Variants in STAG1 observed in about 807,000 individuals in gnomAD.
STAG1 encodes cohesin subunit SA-1.
STAG1 carries 26 observed loss-of-function variants against 170.9 expected under a neutral mutation model. The ratio of observed to expected loss-of-function variants is 0.15; its 90% CI spans 0.11 to 0.21. The LOEUF (loss-of-function observed/expected upper bound fraction) is 0.21, where lower values mean the gene tolerates loss of function less well. STAG1 is among the 10% of genes least tolerant of loss of function. The pLI, the probability that STAG1 is intolerant of heterozygous loss-of-function variation, is 1.00. For missense variants in STAG1, 964 were observed against 1,509.5 expected, an observed-to-expected ratio of 0.64 and a Z score of 5.99; for synonymous variants, 514 against 497.7, an observed-to-expected ratio of 1.03 and a Z score of -0.44.
intron 13 of STAG1, among the ~76,000 whole-genome samples, chr3:136,461,151 C>G (rs1161315423): frequency 1.3e-5 from 2 of 152,138 alleles, no homozygotes. Flanking sequence ...GATAAAAACT[C>G]TCAACAAACT....
intron 21 of STAG1, among the ~76,000 whole-genome samples, chr3:136,403,595 T>C (rs1057031888): frequency 6.6e-6 from 1 of 152,160 alleles, no homozygotes; most frequent in African/African-American, 2.4e-5. Flanking sequence ...TCTGTTAAAT[T>C]ACTAGAAGAG....
At chr3:136,382,802 T>A (rs938211087) in intron 22 of STAG1, among the ~76,000 whole-genome samples, 4 of 152,198 alleles carry the variant, frequency 2.6e-5, no homozygotes, top group African/African-American at 9.6e-5. Context: ...GGATGCAAAC[T>A]AAATATTATT....
intron 1 of STAG1, among the ~76,000 whole-genome samples, chr3:136,735,963 AAAC>A (rs1934311957): frequency 6.6e-6 from 1 of 152,194 alleles, no homozygotes; most frequent in Non-Finnish European, 1.5e-5. Context: ...GGCACATGCC[AAAC>A]ACCACAGGGC....
intron 1 of STAG1, among the ~76,000 whole-genome samples, chr3:136,681,786 T>C (rs1942344832): frequency 6.6e-6 from 1 of 152,026 alleles, no homozygotes; most frequent in South Asian, 2.1e-4. Flanking sequence ...AGTCACATGA[T>C]CATCTCAATG....
chr3:136,506,784 G>A (rs1933791658), intron 7 of STAG1, among the ~76,000 whole-genome samples: 1 of 152,086 alleles, frequency 6.6e-6, no homozygotes, highest in Non-Finnish European at 1.5e-5. Context: ...TATGTAAGTG[G>A]AAATGCCTAG....
chr3:136,567,039 A>C (rs2107759934), intron 5 of STAG1, among the ~76,000 whole-genome samples: 1 of 152,362 alleles, frequency 6.6e-6, no homozygotes, highest in Non-Finnish European at 1.5e-5. Context: ...CAGACAGTTA[A>C]GTTCAACAAA....
chr3:136,533,818 C>A (rs561192219), intron 6 of STAG1, among the ~76,000 whole-genome samples: 1 of 152,232 alleles, frequency 6.6e-6, no homozygotes, highest in East Asian at 1.9e-4. Context: ...AAGCAATATA[C>A]AAATTCAATG....
intron 5 of STAG1, among the ~76,000 whole-genome samples, chr3:136,565,668 A>T (rs113124425): frequency 4.6e-5 from 7 of 152,242 alleles, no homozygotes; most frequent in African/African-American, 1.4e-4. Context: ...TAGCAATTCT[A>T]CTCCTAAGAA....
intron 1 of STAG1, among the ~76,000 whole-genome samples, chr3:136,738,002 AG>A (rs1309999633): frequency 6.6e-6 from 1 of 152,110 alleles, no homozygotes; most frequent in African/African-American, 2.4e-5. Context: ...TAGGAGGTGG[AG>A]GTTGCAGTGA....
At chr3:136,435,052 A>T (rs967946606) in intron 15 of STAG1, among the ~76,000 whole-genome samples, 1 of 152,196 alleles carries the variant, frequency 6.6e-6, no homozygotes, top group African/African-American at 2.4e-5. Context: ...TTTCTATGAC[A>T]ATGCTTTACT....
chr3:136,460,837 C>T (rs1157986164), intron 13 of STAG1, among the ~76,000 whole-genome samples: 2 of 152,092 alleles, frequency 1.3e-5, no homozygotes, highest in South Asian at 2.1e-4. Context: ...TCAGCATCAC[C>T]CTGATGCCAA....
chr3:136,602,472 G>C (rs532261462), intron 4 of STAG1, among the ~76,000 whole-genome samples: 1 of 151,816 alleles, frequency 6.6e-6, no homozygotes, highest in African/African-American at 2.4e-5. Flanking sequence ...TCATTTTTCT[G>C]CTTGTATTTC....
chr3:136,745,978 A>C (rs1934916554), intron 1 of STAG1, among the ~76,000 whole-genome samples: 1 of 152,200 alleles, frequency 6.6e-6, no homozygotes, highest in South Asian at 2.1e-4. Context: ...GAAAAATCTG[A>C]GGGAAGCAAT....
At chr3:136,339,579 C>G (rs962453825) in intron 32 of STAG1, among the ~76,000 whole-genome samples, 4 of 151,974 alleles carry the variant, frequency 2.6e-5, no homozygotes, top group Non-Finnish European at 4.4e-5. Flanking sequence ...ATTATGGCAG[C>G]CTTAGAAAAT....
chr3:136,546,875 T>C (rs904898031), intron 5 of STAG1, among the ~76,000 whole-genome samples: 2 of 152,224 alleles, frequency 1.3e-5, no homozygotes, highest in African/African-American at 4.8e-5. Context: ...TCAGACTGCA[T>C]AAATGATCAA....
intron 4 of STAG1, among the ~76,000 whole-genome samples, chr3:136,578,813 G>A (rs564168411): frequency 2.6e-5 from 4 of 152,244 alleles, no homozygotes; most frequent in African/African-American, 9.6e-5. Context: ...CCACCCTGTG[G>A]TTATTTCCCC....
chr3:136,661,899 A>C (rs764358692), intron 1 of STAG1, among the ~76,000 whole-genome samples: 1 of 152,228 alleles, frequency 6.6e-6, no homozygotes, highest in African/African-American at 2.4e-5. Context: ...TAACTTGCTC[A>C]AAGTCACACA....
intron 5 of STAG1, among the ~76,000 whole-genome samples, chr3:136,548,774 G>C (rs528294217): frequency 6.6e-6 from 1 of 152,128 alleles, no homozygotes; most frequent in Non-Finnish European, 1.5e-5. Context: ...CAAATCTCAT[G>C]TCAAATTGTA....
chr3:136,539,148 AT>A (rs1292618654), intron 6 of STAG1, among the ~76,000 whole-genome samples: 3 of 151,926 alleles, frequency 2.0e-5, no homozygotes, highest in East Asian at 1.9e-4. Flanking sequence ...AAAAAAAAAA[AT>A]GTTTTAGTGA....
Sources: allele counts gnomAD v4.1 joint callset (sites outside exome capture counted in the v4.1 genomes callset), GRCh38; gene constraint gnomAD v4.1.1; transcripts MANE v1.5; gene names NCBI Gene and HGNC (gene_info 2026-07-23, HGNC 2026-07-21).